The following SMG5 variants were observed in gnomAD, a reference collection of about 807,000 sequenced individuals.
SMG5 encodes the protein nonsense-mediated mRNA decay factor SMG5.
SMG5 carries 53 observed loss-of-function variants against 122.9 expected under a neutral mutation model. The observed-to-expected ratio is 0.43, with a 90% CI of 0.35 to 0.54. SMG5 has a LOEUF of 0.54. Among genes scored for constraint, SMG5 ranks in the 20% least tolerant of loss-of-function variants. The pLI is 0.01. For missense variants in SMG5, 1,153 were observed against 1,285.6 expected, an observed-to-expected ratio of 0.90 and a Z score of 1.58; for synonymous variants, 477 against 490.2, an observed-to-expected ratio of 0.97 and a Z score of 0.35.
chr1:156,291,467 A>T, the SMG5 span: 1 of 1,613,434 alleles, frequency 6.2e-7, no homozygotes, highest in Non-Finnish European at 8.5e-7. Context: ...ACTGCTGTCG[A>T]TGCTGATGTG....
chr1:156,285,090 A>G (rs1425051773), upstream of SMG5: 2 of 1,112,312 alleles, frequency 1.8e-6, no homozygotes, highest in Admixed American at 3.4e-5. Context: ...AAAACCCATG[A>G]AGCCAGTTGC....
chr1:156,268,983 T>C (rs1481784618), intron 7 of SMG5, among the ~76,000 whole-genome samples: 1 of 152,044 alleles, frequency 6.6e-6, no homozygotes, highest in Non-Finnish European at 1.5e-5. Context: ...CTTTTTTTTT[T>C]TTTTTGAAAC....
chr1:156,252,292 A>G, intron 19 of SMG5, 122 bp downstream of exon 19: 1 of 806,700 alleles, frequency 1.2e-6, no homozygotes, highest in Non-Finnish European at 2.0e-6. Flanking sequence ...GAGGTGAGCT[A>G]ACTGTGAGTA....
At chr1:156,282,945 CT>C, upstream of SMG5, 2 of 541,222 alleles carry the variant, frequency 3.7e-6, no homozygotes, top group East Asian at 6.3e-5. Context: ...AGAACTAACT[CT>C]GGGCAGCATG....
chr1:156,267,486 G>A lies in SMG5; in HGVS notation c.1101C>T (p.His367=). ...QMVIICLMCV[H]SLERAGSKQY... is the part of the protein sequence containing the mutation. ...GAAGGTTACCTGCTCTCTCCAAGCT[G>A]TGCACACACATAAGGCAGATGATGA... Residue 367 remains histidine (H), a synonymous_variant, in exon 10 of 22, where the codon CAC becomes CAT. Coordinates refer to ENST00000361813, the MANE Select transcript of SMG5 (RefSeq NM_015327.3). The A allele has an allele frequency of 6.2e-7, 1 of 1,614,146 alleles. No homozygotes were observed. Among genetic ancestry groups the A allele is most frequent in the Non-Finnish European group, 8.5e-7 (1 of 1,179,992 alleles).
In SMG5 at chr1:156,274,583, G is replaced by A. The variant is rs931186113; in HGVS notation, c.544+14C>T. 6.2e-7 allele frequency: 1 copy of A among 1,612,188 alleles called. No individual in the cohort carries two copies. Among genetic ancestry groups the A allele is most frequent in the Non-Finnish European group, 8.5e-7 (1 of 1,178,486 alleles). The stretch of plus-strand genomic sequence containing the variant: ...TAACCCAAAACAGAGAAAATGAAAG[G>A]TGCAAATTCTTACACAAATCCCCCA... On this transcript the variant is annotated intron_variant, in intron 5 of 21. Coordinates refer to ENST00000361813, the MANE Select transcript of SMG5 (RefSeq NM_015327.3).
chr1:156,275,420 A>G (rs1249077566), intron 4 of SMG5, among the ~76,000 whole-genome samples: 5 of 152,322 alleles, frequency 3.3e-5, no homozygotes, highest in African/African-American at 1.2e-4. Flanking sequence ...ATGTGCCAGA[A>G]ACTTGTCTAA....
chr1:156,252,770 T>C (rs1312854265), intron 18 of SMG5, 149 bp downstream of exon 18: 25 of 871,244 alleles, frequency 2.9e-5, no homozygotes, highest in Non-Finnish European at 4.1e-5. Flanking sequence ...ATTATGTCCA[T>C]TTCACAGATG....
chr1:156,265,413 C>CACT (rs1662081273), intron 12 of SMG5, among the ~76,000 whole-genome samples: 5 of 152,194 alleles, frequency 3.3e-5, no homozygotes, highest in Admixed American at 6.5e-5. Flanking sequence ...AGAGAAGTCT[C>CACT]ACTCTAATGC....
At chr1:156,251,113 GGGCCCTGGAAGCT>G (rs2103202313) in intron 20 of SMG5, 117 bp from the exon 21 acceptor site, 2 of 1,391,504 alleles carry the variant, frequency 1.4e-6, no homozygotes, top group African/African-American at 1.4e-5. Flanking sequence ...GAGCAGCAGT[GGGCCCTGGAAGCT>G]GGCCCTGGAG....
At chr1:156,276,127 CTTT>C (rs144991356) in intron 4 of SMG5, among the ~76,000 whole-genome samples, 22 of 128,716 alleles carry the variant, frequency 1.7e-4, no homozygotes, top group Non-Finnish European at 1.8e-4. Flanking sequence ...AGAGGTTTGG[CTTT>C]TTTTTTTTTT....
chr1:156,271,114 C>T (rs535812293), intron 7 of SMG5, among the ~76,000 whole-genome samples: 9 of 152,224 alleles, frequency 5.9e-5, no homozygotes, highest in Admixed American at 5.9e-4. Flanking sequence ...GAAGGCCAGC[C>T]TGAACTGATC....
At position 156,273,429 on chromosome 1, in the gene SMG5, G is replaced by A. The variant is rs751764215; in HGVS notation, c.566C>T (p.Ala189Val). ...GGCTAGCAGCTCGGTATCTACGCCA[G>A]CTAATTCATTCTGATATCGGGCTGC... is the stretch of plus-strand genomic sequence containing the variant. ...GDLSRYQNEL[A>V]GVDTELLAER... Residue 189 changes from alanine to valine, a missense_variant, in exon 6 of 22, where the codon GCT becomes GTT. By Grantham distance (64) the Ala-to-Val change is moderately conservative. Coordinates refer to ENST00000361813, the MANE Select transcript of SMG5 (RefSeq NM_015327.3). 1.9e-6 allele frequency: 3 copies of A among 1,614,028 alleles called. No individual in the cohort carries two copies. The highest frequency in any genetic ancestry group is 2.5e-6 in the Non-Finnish European group (3 of 1,179,960).
At chr1:156,269,056 C>T (rs772378988) in intron 7 of SMG5, among the ~76,000 whole-genome samples, 3 of 151,982 alleles carry the variant, frequency 2.0e-5, no homozygotes, top group East Asian at 3.9e-4. Context: ...CTGCAACATC[C>T]GCCTCCCGGG....
intron 1 of SMG5, among the ~76,000 whole-genome samples, chr1:156,281,050 T>C (rs1662913425): frequency 6.6e-6 from 1 of 152,118 alleles, no homozygotes; most frequent in Non-Finnish European, 1.5e-5. Context: ...GAGTGACAAG[T>C]CCATAGTCTA....
At position 156,251,693 on chromosome 1, in the gene SMG5, CAG is replaced by C. The variant is rs137938767; in HGVS notation, c.2754-218_2754-217del. 3.7e-3 allele frequency among the ~76,000 whole-genome samples: 559 copies of C among 152,270 alleles called. 2 individuals carry two copies. Among genetic ancestry groups the C allele is most frequent in the Non-Finnish European group, 5.6e-3 (380 of 67,998 alleles). On this transcript the variant is annotated intron_variant, in intron 19 of 21. Coordinates refer to ENST00000361813, the MANE Select transcript of SMG5 (RefSeq NM_015327.3). ...ATAACATCAATTATTTGGTTCCTCTCAGGGGAGGAGCTGGGAGGGGAGAAGCA... is the reference window on the plus strand; with the variant it reads ...ATAACATCAATTATTTGGTTCCTCTCGGGAGGAGCTGGGAGGGGAGAAGCA...
chr1:156,261,210 G>C (rs962560965), intron 14 of SMG5, 123 bp downstream of exon 14: 11 of 883,980 alleles, frequency 1.2e-5, no homozygotes, highest in African/African-American at 3.3e-5. Flanking sequence ...GTGTGCTAGG[G>C]AGGCTGGCAG....
intron 16 of SMG5, chr1:156,253,739 C>A: frequency 7.1e-6 from 4 of 564,420 alleles, no homozygotes; most frequent in Non-Finnish European, 1.3e-5. Context: ...CCAGGCCCTG[C>A]AGGGGAGGGG....
chr1:156,271,989 A>G (rs1662459071), intron 7 of SMG5, among the ~76,000 whole-genome samples: 1 of 151,948 alleles, frequency 6.6e-6, no homozygotes, highest in Non-Finnish European at 1.5e-5. Flanking sequence ...ACATTAACAC[A>G]CTCCAGAATT....
Sources: gnomAD v4.1 joint callset for allele counts (sites outside exome capture counted in the v4.1 genomes callset) on GRCh38, gnomAD v4.1.1 for gene constraint, MANE v1.5 for transcripts, NCBI Gene and HGNC (gene_info 2026-07-23, HGNC 2026-07-21) for gene names.